MAEA: variants seen among roughly 807,000 people sequenced by gnomAD.
The protein encoded by MAEA is macrophage erythroblast attacher, E3 ubiquitin ligase, also known as E3 ubiquitin-protein transferase MAEA.
Under a neutral mutation model 46.2 loss-of-function variants are expected in MAEA, and 22 were observed. The observed-to-expected ratio is 0.48, with a 90% CI of 0.34 to 0.68. The LOEUF (loss-of-function observed/expected upper bound fraction) is 0.68, where lower values mean the gene tolerates loss of function less well. Among genes scored for constraint, MAEA ranks in the 30% least tolerant of loss-of-function variants. MAEA has a pLI of 0.01. For synonymous variants in MAEA, 246 were observed against 222.6 expected, an observed-to-expected ratio of 1.11 and a Z score of -0.94; for missense variants, 393 against 558.1, an observed-to-expected ratio of 0.70 and a Z score of 2.98.
At chr4:1,303,741 A>G (rs1735558968) in intron 1 of MAEA, among the ~76,000 whole-genome samples, 3 of 152,112 alleles carry the variant, frequency 2.0e-5, no homozygotes, top group African/African-American at 7.2e-5. Flanking sequence ...AAACTACTAA[A>G]TTGTACATAT....
intron 3 of MAEA, among the ~76,000 whole-genome samples, chr4:1,319,357 C>G (rs748155351): frequency 4.3e-4 from 65 of 151,798 alleles, no homozygotes; most frequent in Non-Finnish European, 1.8e-4. Flanking sequence ...TGTCTCAAAA[C>G]AAACAAAAGT....
rs1340510057 is a variant in MAEA, at chr4:1,312,385, A to G, written c.252+224A>G. Reference sequence around the variant, plus strand: ...CTTGCTCCAGGAGTGTCCAGAGTCCAGGCCACAGGGAGACCAGGATGTATA... The same window carrying G: ...CTTGCTCCAGGAGTGTCCAGAGTCCGGGCCACAGGGAGACCAGGATGTATA... On this transcript the variant is annotated intron_variant, in intron 2 of 8. Transcript: ENST00000303400. 4.3e-5 allele frequency: 24 copies of G among 552,472 alleles called. No homozygotes were observed. In the Admixed American group the frequency reaches 8.0e-4, roughly 18 times the overall value. 34.2% of individuals were successfully genotyped at this position (552,472 alleles called of 1,614,324 possible).
chr4:1,328,959 C>T, intron 5 of MAEA: 1 of 992,568 alleles, frequency 1.0e-6, no homozygotes, highest in Non-Finnish European at 1.2e-6. Flanking sequence ...GGCCAGGGGC[C>T]CCCTGTCAAG....
Position 1,296,401 on chromosome 4 carries a change from G to A in MAEA, c.69+6419G>A, listed in dbSNP as rs548126339. ...CTGTGCCTGTGCAGCCGTCACCCAT[G>A]CCATTCCTCACCTGTACCCCTCACC... is the stretch of plus-strand genomic sequence containing the variant. On this transcript the variant is annotated intron_variant, in intron 1 of 8. Coordinates refer to ENST00000303400, the MANE Select transcript of MAEA (RefSeq NM_001017405.3). Among the ~76,000 whole-genome samples, 149 of 72,780 alleles carry A rather than the reference G, an allele frequency of 2.0e-3. 1 individual carries two copies. Among genetic ancestry groups the A allele is most frequent in the African/African-American group, 8.4e-3 (142 of 16,938 alleles). 47.7% of individuals were successfully genotyped at this position (72,780 alleles called of 152,430 possible).
intron 1 of MAEA, among the ~76,000 whole-genome samples, chr4:1,293,148 A>G (rs1187620567): frequency 1.3e-5 from 2 of 151,756 alleles, no homozygotes; most frequent in Non-Finnish European, 2.9e-5. Context: ...CCATCTTTCA[A>G]TTCAACATGC....
intron 1 of MAEA, among the ~76,000 whole-genome samples, chr4:1,294,064 A>G (rs1011881295): frequency 2.6e-5 from 4 of 152,240 alleles, no homozygotes; most frequent in African/African-American, 9.6e-5. Context: ...GAGGAGTCTT[A>G]GGCCGGGTCT....
At chr4:1,318,266 G>A (rs1006641504) in intron 3 of MAEA, among the ~76,000 whole-genome samples, 7 of 152,240 alleles carry the variant, frequency 4.6e-5, no homozygotes, top group African/African-American at 7.2e-5. Context: ...GCAACCTGGC[G>A]GTGGCTGCTG....
intron 6 of MAEA, chr4:1,335,838 C>T (rs1280683624): frequency 6.6e-5 from 6 of 91,038 alleles, no homozygotes; most frequent in African/African-American, 2.8e-4. Context: ...TAAGTCAGCA[C>T]CTGCCCTGCA....
intron 3 of MAEA, among the ~76,000 whole-genome samples, chr4:1,322,154 G>T (rs931040046): frequency 6.6e-6 from 1 of 152,196 alleles, no homozygotes; most frequent in South Asian, 2.1e-4. Flanking sequence ...GGCTATGGCT[G>T]CTGTCTACGT....
chr4:1,334,267 C>T (rs1056664404), intron 6 of MAEA, among the ~76,000 whole-genome samples: 7 of 150,000 alleles, frequency 4.7e-5, no homozygotes, highest in Admixed American at 1.3e-4. Context: ...CTGAGCCTGG[C>T]ACCAGTCTCT....
At chr4:1,334,045 C>T (rs1460195278) in intron 6 of MAEA, among the ~76,000 whole-genome samples, 1 of 34,338 alleles carries the variant, frequency 2.9e-5, no homozygotes, top group East Asian at 5.7e-4. Context: ...CCACCATGTG[C>T]TCACCCCTGC....
intron 1 of MAEA, chr4:1,297,999 G>T: frequency 2.2e-6 from 1 of 456,226 alleles, no homozygotes; most frequent in Non-Finnish European, 4.4e-6. Flanking sequence ...CCCCTGCACT[G>T]GCCACAGAAG....
In MAEA at chr4:1,311,429, C is replaced by G. The variant is rs923895941; in HGVS notation, c.70-550C>G. 1.3e-5 allele frequency among the ~76,000 whole-genome samples: 2 copies of G among 152,232 alleles called. No individual in the cohort carries two copies. The highest frequency in any genetic ancestry group is 1.3e-4 in the Admixed American group (2 of 15,294). ...TTCCACAGGGAATGGATGGTTCTTA[C>G]GACTGGGGAAGGCAAACGCTGTCAC... On this transcript the variant is annotated intron_variant, in intron 1 of 8. Transcript: ENST00000303400. This position sits in a 1 kb window ranked among gnomAD's most constrained non-coding sequence, Gnocchi z 4.4.
chr4:1,308,057 G>A (rs538373960), intron 1 of MAEA, among the ~76,000 whole-genome samples: 23 of 80,218 alleles, frequency 2.9e-4, no homozygotes, highest in South Asian at 1.2e-3. Context: ...ATCGTTAGGC[G>A]ACTTTGCGGT....
At chr4:1,296,626 G>A (rs530075038) in intron 1 of MAEA, among the ~76,000 whole-genome samples, 23 of 117,010 alleles carry the variant, frequency 2.0e-4, no homozygotes, top group Admixed American at 5.9e-4. Context: ...TCTTCCTCTC[G>A]TGAAAACCCC....
At chr4:1,321,128 G>T (rs1046421590) in intron 3 of MAEA, among the ~76,000 whole-genome samples, 4 of 151,846 alleles carry the variant, frequency 2.6e-5, no homozygotes, top group Non-Finnish European at 4.4e-5. Context: ...ACACATGCAA[G>T]AAAATGCTTT....
At chr4:1,317,010 C>G (rs1375156444) in intron 3 of MAEA, among the ~76,000 whole-genome samples, 1 of 135,754 alleles carries the variant, frequency 7.4e-6, no homozygotes, top group East Asian at 2.2e-4. Context: ...CCCACCCCGG[C>G]CCCCACACTC....
intron 1 of MAEA, among the ~76,000 whole-genome samples, chr4:1,310,188 A>T (rs1411964355): frequency 6.6e-6 from 1 of 152,176 alleles, no homozygotes; most frequent in Non-Finnish European, 1.5e-5. Flanking sequence ...TAGGGTCTCC[A>T]GTGGGAGAGT....
At chr4:1,301,218 TGGA>T (rs752377569) in intron 1 of MAEA, among the ~76,000 whole-genome samples, 1 of 152,146 alleles carries the variant, frequency 6.6e-6, no homozygotes, top group African/African-American at 2.4e-5. Context: ...CGGCAAACGC[TGGA>T]GAAGGTTTGA....
Sources: allele counts gnomAD v4.1 joint callset (sites outside exome capture counted in the v4.1 genomes callset), GRCh38; gene constraint gnomAD v4.1.1; non-coding constraint Gnocchi (gnomAD v3.1); transcripts MANE v1.5; gene names NCBI Gene and HGNC (gene_info 2026-07-23, HGNC 2026-07-21).